The following FMNL3 variants were observed in gnomAD, a reference collection of about 807,000 sequenced individuals.
FMNL3 encodes formin like 3.
FMNL3 carries 57 observed loss-of-function variants against 119.6 expected under a neutral mutation model. The observed-to-expected ratio is 0.48, with a 90% CI of 0.39 to 0.59. The LOEUF (loss-of-function observed/expected upper bound fraction) is 0.59, where lower values mean the gene tolerates loss of function less well. Ranked by LOEUF, FMNL3 falls within the 20% of genes least tolerant of loss-of-function variation. The pLI is 0.00. For synonymous variants in FMNL3, 491 were observed against 507.3 expected, an observed-to-expected ratio of 0.97 and a Z score of 0.43; for missense variants, 1,053 against 1,323.5, an observed-to-expected ratio of 0.80 and a Z score of 3.17.
chr12:49,682,016 C>T (rs990453304), intron 1 of FMNL3, among the ~76,000 whole-genome samples: 1 of 151,518 alleles, frequency 6.6e-6, no homozygotes, highest in African/African-American at 2.4e-5. Flanking sequence ...CCAGGAGTCA[C>T]ATTTGACTCA....
At chr12:49,657,539 AG>A (rs1943608769) in intron 6 of FMNL3, among the ~76,000 whole-genome samples, 1 of 152,096 alleles carries the variant, frequency 6.6e-6, no homozygotes, top group African/African-American at 2.4e-5. Context: ...ACCCACTTCC[AG>A]TTGCTGCACC....
At chr12:49,698,411 G>A (rs1433763537) in intron 1 of FMNL3, among the ~76,000 whole-genome samples, 3 of 151,852 alleles carry the variant, frequency 2.0e-5, no homozygotes, top group Admixed American at 6.6e-5. Context: ...CTAGCCCCTC[G>A]TGGTTCTGGA....
At position 49,649,725 on chromosome 12, in the gene FMNL3, C is replaced by T; in HGVS notation, c.2201G>A (p.Gly734Glu). ...CATCTGCAGGTTATCCTGGAAGTTC[C>T]CCAGGAAGGCCATGCCAGCCATTCG... ...TQRMAGMAFL[G>E]NFQDNLQMLT... Residue 734 changes from glycine (G) to glutamate (E), a missense_variant, in exon 18 of 26, where the codon GGG becomes GAG. Gly to Glu is a moderately conservative substitution (Grantham distance 98). Around this residue, in one of 4 missense-constraint regions of FMNL3, gnomAD observed 20 missense variants for 48.7 expected, o/e 0.41. Coordinates refer to ENST00000335154, the MANE Select transcript of FMNL3 (RefSeq NM_175736.5). The surrounding 1 kb of genome is among the most constrained non-coding windows in gnomAD (Gnocchi z 5.6). 2 of 1,614,132 alleles carry T rather than the reference C, an allele frequency of 1.2e-6. No individual in the cohort carries two copies. The highest frequency in any genetic ancestry group is 1.7e-6 in the Non-Finnish European group (2 of 1,180,020).
Position 49,642,316 on chromosome 12 carries a change from C to G in FMNL3, c.*3499G>C. The G allele has an allele frequency of 1.2e-6, 2 of 1,614,154 alleles. No homozygotes were observed. Among genetic ancestry groups the G allele is most frequent in the Non-Finnish European group, 1.7e-6 (2 of 1,180,046 alleles). ...GATGCGGCGCAGGGAAGCTGCCTTT[C>G]GAAGCATGCTGAGGCAGGCTGTGCC... On this transcript the variant is annotated 3_prime_UTR_variant, in exon 26 of 26. Coordinates refer to ENST00000335154, the MANE Select transcript of FMNL3 (RefSeq NM_175736.5). The surrounding 1 kb of genome is among the most constrained non-coding windows in gnomAD (Gnocchi z 5.8).
At chr12:49,699,237 T>TA (rs1944837761) in intron 1 of FMNL3, among the ~76,000 whole-genome samples, 1 of 152,166 alleles carries the variant, frequency 6.6e-6, no homozygotes. Flanking sequence ...CCCATGGGCT[T>TA]ACTACAGTCA....
chr12:49,665,912 T>TA lies in FMNL3; in HGVS notation c.292-5dup, dbSNP rs749874688. 8.1e-6 allele frequency: 13 copies of TA among 1,613,964 alleles called. No homozygotes were observed. Among genetic ancestry groups the TA allele is most frequent in the Non-Finnish European group, 1.1e-5 (13 of 1,179,896 alleles). On this transcript the variant is annotated splice_region_variant and splice_polypyrimidine_tract_variant and intron_variant, in intron 3 of 25. Coordinates refer to ENST00000335154, the MANE Select transcript of FMNL3 (RefSeq NM_175736.5). Reference sequence around the variant, plus strand: ...CCTGCACCCTCCTCCTGAACTTCTGTAAAAAGGGTAGGAAAGGAAGGGAAT... The same window carrying TA: ...CCTGCACCCTCCTCCTGAACTTCTGTAAAAAAGGGTAGGAAAGGAAGGGAAT...
In FMNL3 at chr12:49,656,402, A is replaced by G; in HGVS notation, c.885+2T>C. On this transcript the variant is annotated splice_donor_variant, in intron 9 of 25. Coordinates refer to ENST00000335154, the MANE Select transcript of FMNL3 (RefSeq NM_175736.5). LOFTEE classifies it high-confidence loss of function. ...ACACACACGCGAAGCGAAAAGACTG[A>G]CCTCTTTGAAATTGTCAAAGGCAGC... 1.2e-6 allele frequency: 2 copies of G among 1,613,010 alleles called. No individual in the cohort carries two copies. The highest frequency in any genetic ancestry group is 1.7e-6 in the Non-Finnish European group (2 of 1,179,274).
chr12:49,659,818 G>T, intron 5 of FMNL3: 1 of 985,416 alleles, frequency 1.0e-6, no homozygotes, highest in Non-Finnish European at 1.2e-6. Context: ...ATACCCCTCT[G>T]AGAAACAGTC....
chr12:49,656,869 G>A lies in FMNL3; in HGVS notation c.745C>T (p.His249Tyr), dbSNP rs763826422. The A allele has an allele frequency of 6.2e-7, 1 of 1,614,106 alleles. No homozygotes were observed. Among genetic ancestry groups the A allele is most frequent in the Non-Finnish European group, 8.5e-7 (1 of 1,179,964 alleles). ...YGFNLVMSHP[H>Y]AVNEIALSLN... is the part of the protein sequence containing the mutation. ...CTAAGTGCAATCTCATTGACAGCAT[G>A]GGGGTGGGACATGACCAGGTTGAAT... Residue 249 changes from histidine (H) to tyrosine (Y), a missense_variant, in exon 8 of 26, where the codon CAT becomes TAT. His to Tyr is a moderately conservative substitution (Grantham distance 83). Coordinates refer to ENST00000335154, the MANE Select transcript of FMNL3 (RefSeq NM_175736.5).
chr12:49,641,845 C>G lies in FMNL3; in HGVS notation c.*3970G>C. 7.2e-7 allele frequency: 1 copy of G among 1,394,728 alleles called. No individual in the cohort carries two copies. The highest frequency in any genetic ancestry group is 1.0e-6 in the Non-Finnish European group (1 of 987,156). 86.4% of individuals were successfully genotyped at this position (1,394,728 alleles called of 1,614,324 possible). A position where few individuals can be genotyped will look rare whatever the true frequency, so the allele number is the denominator to read the frequency against. On this transcript the variant is annotated 3_prime_UTR_variant, in exon 26 of 26. Coordinates refer to ENST00000335154, the MANE Select transcript of FMNL3 (RefSeq NM_175736.5). ...CTTGACCATCTGTAATGTGACCACT[C>G]TGCCTGCCAGCTTTGGCCTCAGGCA...
At chr12:49,650,077 A>C in intron 17 of FMNL3, 152 bp from the exon 18 acceptor site, 1 of 655,908 alleles carries the variant, frequency 1.5e-6, no homozygotes, top group South Asian at 1.9e-5. Flanking sequence ...CTGTCACAGC[A>C]CCAGCAATGA....
chr12:49,642,077 C>G lies in FMNL3; in HGVS notation c.*3738G>C. ...TTCTCTAATTCATCTGTGTCTTGCT[C>G]CATTCCTTCTCACTCACTGTCCCAC... On this transcript the variant is annotated 3_prime_UTR_variant, in exon 26 of 26. Coordinates refer to ENST00000335154, the MANE Select transcript of FMNL3 (RefSeq NM_175736.5). This position sits in a 1 kb window ranked among gnomAD's most constrained non-coding sequence, Gnocchi z 5.8. 9 of 1,605,240 alleles carry G rather than the reference C, an allele frequency of 5.6e-6. No homozygotes were observed. The highest frequency in any genetic ancestry group is 7.7e-6 in the Non-Finnish European group (9 of 1,174,880).
At chr12:49,696,089 T>C (rs1384002048) in intron 1 of FMNL3, among the ~76,000 whole-genome samples, 3 of 152,202 alleles carry the variant, frequency 2.0e-5, no homozygotes, top group African/African-American at 7.2e-5. Context: ...AGGGGATTGG[T>C]TCTAGGACCT....
At chr12:49,696,387 C>T (rs1188396559) in intron 1 of FMNL3, among the ~76,000 whole-genome samples, 1 of 152,178 alleles carries the variant, frequency 6.6e-6, no homozygotes, top group African/African-American at 2.4e-5. Flanking sequence ...GTCTGCCCTC[C>T]TTGTAAGGTT....
chr12:49,683,621 C>A (rs1944388953), intron 1 of FMNL3, among the ~76,000 whole-genome samples: 1 of 152,180 alleles, frequency 6.6e-6, no homozygotes. Flanking sequence ...CTCCCATCAT[C>A]ACCACCACAG....
intron 1 of FMNL3, among the ~76,000 whole-genome samples, chr12:49,676,486 G>A (rs1944189100): frequency 6.7e-6 from 1 of 149,582 alleles, no homozygotes; most frequent in Non-Finnish European, 1.5e-5. Flanking sequence ...CTGATACCAT[G>A]GACCTTTAGC....
At chr12:49,653,124 T>C in intron 13 of FMNL3, 102 bp downstream of exon 13, 1 of 1,091,652 alleles carries the variant, frequency 9.2e-7, no homozygotes, top group Admixed American at 1.8e-5. Context: ...AATCAAGATC[T>C]AAATCCTAGA....
In FMNL3 at chr12:49,639,565, GGAGTT is replaced by G. The variant is rs1186414431; in HGVS notation, c.*6245_*6249del. The G allele has an allele frequency of 2.0e-5, 3 of 152,230 alleles. No individual in the cohort carries two copies. Among genetic ancestry groups the G allele is most frequent in the African/African-American group, 7.2e-5 (3 of 41,440 alleles). The allele number at this position is 152,230 out of a possible 1,614,324, so 9.4% of individuals were successfully genotyped here. A position where few individuals can be genotyped will look rare whatever the true frequency, so the allele number is the denominator to read the frequency against. On this transcript the variant is annotated 3_prime_UTR_variant, in exon 26 of 26. Transcript: ENST00000335154. ...AGGTGCCTTGAGACAAGCAAGGGTT[GGAGTT>G]GAGTATGGGGGGATTTGGTGCTGCT...
chr12:49,672,289 G>A, intron 1 of FMNL3, among the ~76,000 whole-genome samples: 1 of 152,048 alleles, frequency 6.6e-6, no homozygotes, highest in East Asian at 1.9e-4. Context: ...ATTATCTTGA[G>A]GGGTGGGGGA....
Sources: gnomAD v4.1 joint callset for allele counts (sites outside exome capture counted in the v4.1 genomes callset) on GRCh38, gnomAD v4.1.1 for gene constraint, gnomAD v4.1.1 regional missense constraint, Gnocchi (gnomAD v3.1) non-coding constraint, MANE v1.5 for transcripts, NCBI Gene and HGNC (gene_info 2026-07-23, HGNC 2026-07-21) for gene names.